Variants in MEGF6 observed in about 807,000 individuals in gnomAD.
MEGF6 encodes multiple EGF like domains 6, also known as multiple epidermal growth factor-like domains protein 6.
In MEGF6, 184 loss-of-function variants were observed where a neutral mutation model predicts 207.1. The observed-to-expected ratio is 0.89, with a 90% CI of 0.79 to 1.00. MEGF6 has a LOEUF of 1.00. Among genes scored for constraint, MEGF6 ranks in the 50% least tolerant of loss-of-function variants. MEGF6 has a pLI of 0.00. For synonymous variants in MEGF6, 1,038 were observed against 910.0 expected, an observed-to-expected ratio of 1.14 and a Z score of -2.53; for missense variants, 2,282 against 2,202.9, an observed-to-expected ratio of 1.04 and a Z score of -0.72.
chr1:3,517,265 C>T (rs1175222376), intron 5 of MEGF6, among the ~76,000 whole-genome samples: 2 of 152,208 alleles, frequency 1.3e-5, no homozygotes, highest in Non-Finnish European at 2.9e-5. Flanking sequence ...CAGGAGGCTG[C>T]GGCAGGGCTG....
At chr1:3,596,917 C>A (rs1644077061) in intron 2 of MEGF6, among the ~76,000 whole-genome samples, 1 of 152,220 alleles carries the variant, frequency 6.6e-6, no homozygotes, top group Non-Finnish European at 1.5e-5. Context: ...CCCACCATCA[C>A]AGCCCCATCC....
chr1:3,600,510 C>A (rs1025748055), intron 2 of MEGF6, among the ~76,000 whole-genome samples: 3 of 152,084 alleles, frequency 2.0e-5, no homozygotes, highest in Non-Finnish European at 2.9e-5. Context: ...AGCTGGAGGG[C>A]GGGGAACAGG....
intron 4 of MEGF6, among the ~76,000 whole-genome samples, chr1:3,571,122 C>T (rs1337829595): frequency 1.3e-5 from 2 of 152,102 alleles, no homozygotes; most frequent in Admixed American, 1.3e-4. Context: ...GTCTGGGGGA[C>T]CAGGGGTGGC....
At chr1:3,614,520 T>G (rs571335940), upstream of MEGF6, among the ~76,000 whole-genome samples, 75 of 152,310 alleles carry the variant, frequency 4.9e-4, no homozygotes, top group African/African-American at 1.7e-3. Context: ...CTTTGTCCAT[T>G]TTCATAATAA....
At chr1:3,604,554 C>A (rs1001143448) in intron 1 of MEGF6, among the ~76,000 whole-genome samples, 1 of 152,190 alleles carries the variant, frequency 6.6e-6, no homozygotes, top group East Asian at 1.9e-4. Context: ...GGGTGGAGAG[C>A]GAGACTTCCA....
upstream of MEGF6, among the ~76,000 whole-genome samples, chr1:3,612,596 GCCGGT>G (rs1390049424): frequency 1.3e-5 from 2 of 152,168 alleles, no homozygotes; most frequent in Non-Finnish European, 2.9e-5. Context: ...AGCCAGCCAT[GCCGGT>G]CCCTGCTAGA....
chr1:3,532,504 C>G (rs1042035637), intron 4 of MEGF6, among the ~76,000 whole-genome samples: 1 of 152,244 alleles, frequency 6.6e-6, no homozygotes, highest in Non-Finnish European at 1.5e-5. Context: ...CACAGAAGGA[C>G]TGGGCGCCCG....
chr1:3,581,514 G>A (rs867240373), intron 3 of MEGF6, among the ~76,000 whole-genome samples: 5 of 152,218 alleles, frequency 3.3e-5, no homozygotes, highest in Admixed American at 6.5e-5. Flanking sequence ...GGACCAACCC[G>A]GGGCCCAGTA....
intron 5 of MEGF6, among the ~76,000 whole-genome samples, chr1:3,517,105 C>T (rs1641570512): frequency 6.6e-6 from 1 of 152,226 alleles, no homozygotes; most frequent in African/African-American, 2.4e-5. Flanking sequence ...CCCAGGGGCC[C>T]TGTTTATTGT....
chr1:3,501,970 T>G (rs1289427791), intron 17 of MEGF6, 49 bp from the exon 18 acceptor site: 3 of 1,209,764 alleles, frequency 2.5e-6, no homozygotes, highest in Non-Finnish European at 2.1e-6. Flanking sequence ...TGGAGTGGAC[T>G]GACCAGAGCC....
At chr1:3,612,732 G>T (rs980225835), upstream of MEGF6, among the ~76,000 whole-genome samples, 33 of 93,958 alleles carry the variant, frequency 3.5e-4, no homozygotes, top group African/African-American at 1.2e-3. Flanking sequence ...GAGCACTGGA[G>T]GGAGCCCTGG....
At chr1:3,547,115 C>T (rs1642741597) in intron 4 of MEGF6, 1 of 153,632 alleles carries the variant, frequency 6.5e-6, no homozygotes, top group South Asian at 2.0e-4. Context: ...TTGGCACACT[C>T]ACCCACATCT....
chr1:3,608,526 C>A (rs936075846), intron 1 of MEGF6, among the ~76,000 whole-genome samples: 1 of 151,942 alleles, frequency 6.6e-6, no homozygotes, highest in Non-Finnish European at 1.5e-5. Context: ...CAGGGCCCGA[C>A]CCGCCCTGGA....
intron 4 of MEGF6, among the ~76,000 whole-genome samples, chr1:3,558,375 C>T (rs1643096475): frequency 1.3e-5 from 2 of 152,142 alleles, no homozygotes; most frequent in African/African-American, 2.4e-5. Flanking sequence ...TGGCTCACAC[C>T]TGTAATCCCA....
chr1:3,549,161 C>T (rs1447870049), intron 4 of MEGF6, among the ~76,000 whole-genome samples: 1 of 152,194 alleles, frequency 6.6e-6, no homozygotes, highest in Non-Finnish European at 1.5e-5. Context: ...GGGGACTGGC[C>T]CCCCTAGTCT....
At chr1:3,608,775 C>G (rs988883649) in intron 1 of MEGF6, among the ~76,000 whole-genome samples, 3 of 152,184 alleles carry the variant, frequency 2.0e-5, no homozygotes, top group African/African-American at 7.2e-5. Flanking sequence ...GACCCCGTTC[C>G]CAGATGCCCA....
chr1:3,518,819 G>C (rs79899647), intron 5 of MEGF6, among the ~76,000 whole-genome samples: 11,754 of 152,192 alleles, frequency 0.077, 629 homozygotes, highest in South Asian at 0.15. Context: ...CCTCTGTTGG[G>C]GACAGGGCCA....
At chr1:3,604,555 G>A (rs1033828988) in intron 1 of MEGF6, among the ~76,000 whole-genome samples, 19 of 152,204 alleles carry the variant, frequency 1.2e-4, no homozygotes, top group African/African-American at 3.6e-4. Context: ...GGTGGAGAGC[G>A]AGACTTCCAA....
At chr1:3,545,768 G>A (rs550087894) in intron 4 of MEGF6, among the ~76,000 whole-genome samples, 8 of 152,186 alleles carry the variant, frequency 5.3e-5, no homozygotes, top group East Asian at 1.9e-4. Context: ...TCACTGAGCC[G>A]GGGCTCCCAA....
Sources: gnomAD v4.1 joint callset for allele counts (sites outside exome capture counted in the v4.1 genomes callset) on GRCh38, gnomAD v4.1.1 for gene constraint, MANE v1.5 for transcripts, NCBI Gene and HGNC (gene_info 2026-07-23, HGNC 2026-07-21) for gene names.